Variants in ZNF521 observed in about 807,000 individuals in gnomAD.
ZNF521 encodes the protein zinc finger protein 521, also known as LYST-interacting protein 3.
Under a neutral mutation model 105.5 loss-of-function variants are expected in ZNF521, and 14 were observed. The observed-to-expected ratio is 0.13, with a 90% CI of 0.09 to 0.21. ZNF521 has a LOEUF of 0.21. ZNF521 is among the 10% of genes least tolerant of loss of function. The probability of loss-of-function intolerance (pLI) is 1.00; values close to 1 mark genes in which losing one functional copy is unlikely to be tolerated. For synonymous variants in ZNF521, 635 were observed against 606.0 expected (o/e 1.05, Z -0.70); for missense variants, 1,233 against 1,629.7 (o/e 0.76, Z 4.19).
intron 7 of ZNF521, among the ~76,000 whole-genome samples, chr18:25,084,259 C>CAGT (rs974301081): frequency 5.7e-5 from 8 of 141,116 alleles, no homozygotes; most frequent in African/African-American, 2.0e-4. Context: ...GGTTTAGGAC[C>CAGT]AGTAGCTAAG....
chr18:25,171,772 T>C (rs534039898), intron 5 of ZNF521, among the ~76,000 whole-genome samples: 107 of 152,204 alleles, frequency 7.0e-4, no homozygotes, highest in African/African-American at 2.5e-3. Flanking sequence ...ATGCTAAGAA[T>C]GACTGACTGG....
At chr18:25,217,845 G>A (rs920095308) in intron 4 of ZNF521, among the ~76,000 whole-genome samples, 1 of 152,244 alleles carries the variant, frequency 6.6e-6, no homozygotes, top group Admixed American at 6.5e-5. Flanking sequence ...GCATTGAGGG[G>A]ATAGGGAGAT....
intron 3 of ZNF521, among the ~76,000 whole-genome samples, chr18:25,316,798 C>G (rs1296765750): frequency 6.6e-6 from 1 of 151,476 alleles, no homozygotes. Context: ...AAACAAGACC[C>G]ATCAGATAAC....
intron 3 of ZNF521, among the ~76,000 whole-genome samples, chr18:25,293,882 A>C (rs1911174021): frequency 6.6e-6 from 1 of 152,216 alleles, no homozygotes; most frequent in South Asian, 2.1e-4. Flanking sequence ...CTTTCAAAAA[A>C]GTAGTGCCTT....
chr18:25,157,780 T>C (rs2035174879), intron 5 of ZNF521, among the ~76,000 whole-genome samples: 1 of 152,020 alleles, frequency 6.6e-6, no homozygotes. Context: ...AGACGGAGTC[T>C]TGCACTGTCA....
chr18:25,135,413 T>C lies in ZNF521; in HGVS notation c.3659-43332A>G, dbSNP rs566719359. Reference sequence around the variant, plus strand: ...CCATAATGTTTCTTTTCCTTTTTGTTTGGGTTGGAAGGATGATGGGGGTTG... The same window carrying C: ...CCATAATGTTTCTTTTCCTTTTTGTCTGGGTTGGAAGGATGATGGGGGTTG... On this transcript the variant is annotated intron_variant, in intron 5 of 7. Coordinates refer to ENST00000361524, the MANE Select transcript of ZNF521 (RefSeq NM_015461.3). 6.6e-5 allele frequency among the ~76,000 whole-genome samples: 10 copies of C among 151,936 alleles called. 1 individual carries two copies. The South Asian group carries it at 2.1e-3, about 32-fold the overall frequency.
intron 5 of ZNF521, among the ~76,000 whole-genome samples, chr18:25,179,585 T>C (rs1056047437): frequency 1.3e-5 from 2 of 152,200 alleles, no homozygotes; most frequent in Non-Finnish European, 2.9e-5. Flanking sequence ...TCTGAGCTAT[T>C]TGATTAAATT....
intron 3 of ZNF521, among the ~76,000 whole-genome samples, chr18:25,287,107 C>G (rs1910748983): frequency 6.6e-6 from 1 of 152,084 alleles, no homozygotes; most frequent in Non-Finnish European, 1.5e-5. Context: ...GTAACTAATA[C>G]AGAATATCCT....
intron 7 of ZNF521, among the ~76,000 whole-genome samples, chr18:25,079,565 T>C (rs1333976590): frequency 1.3e-5 from 2 of 151,890 alleles, no homozygotes; most frequent in Non-Finnish European, 2.9e-5. Flanking sequence ...AGTAGCAGTC[T>C]GACTATACTA....
At chr18:25,263,411 G>A (rs1418236674) in intron 3 of ZNF521, among the ~76,000 whole-genome samples, 2 of 150,762 alleles carry the variant, frequency 1.3e-5, no homozygotes, top group Non-Finnish European at 3.0e-5. Flanking sequence ...AGGCTGGAGT[G>A]CAGTGGCACG....
intron 3 of ZNF521, among the ~76,000 whole-genome samples, chr18:25,308,848 GTCT>G (rs1224218458): frequency 3.3e-5 from 5 of 151,988 alleles, no homozygotes; most frequent in South Asian, 2.1e-4. Flanking sequence ...CTTGTGGATG[GTCT>G]TCTTAGTGTA....
intron 3 of ZNF521, among the ~76,000 whole-genome samples, chr18:25,247,477 G>T (rs758995940): frequency 1.3e-5 from 2 of 152,182 alleles, no homozygotes; most frequent in Non-Finnish European, 2.9e-5. Flanking sequence ...CATTAAAACT[G>T]CCTGGAGATC....
intron 3 of ZNF521, among the ~76,000 whole-genome samples, chr18:25,233,841 C>A (rs148906701): frequency 6.6e-6 from 1 of 152,128 alleles, no homozygotes; most frequent in Non-Finnish European, 1.5e-5. Flanking sequence ...AGACACATTT[C>A]GATTGCATGT....
intron 7 of ZNF521, among the ~76,000 whole-genome samples, chr18:25,081,077 G>T (rs546305961): frequency 7.3e-6 from 1 of 137,898 alleles, no homozygotes; most frequent in African/African-American, 2.6e-5. Context: ...AGATGGCAGG[G>T]CCAGCAGAGC....
chr18:25,135,167 C>T (rs1480716730), intron 5 of ZNF521, among the ~76,000 whole-genome samples: 1 of 151,804 alleles, frequency 6.6e-6, no homozygotes, highest in Non-Finnish European at 1.5e-5. Flanking sequence ...AGATTAGAAA[C>T]ATGAATAAAA....
intron 4 of ZNF521, among the ~76,000 whole-genome samples, chr18:25,198,920 A>C (rs1220335567): frequency 6.6e-6 from 1 of 151,994 alleles, no homozygotes; most frequent in Non-Finnish European, 1.5e-5. Flanking sequence ...TTGCAAAGCA[A>C]AAGATATATC....
At chr18:25,147,981 A>G (rs1355577854) in intron 5 of ZNF521, among the ~76,000 whole-genome samples, 1 of 152,152 alleles carries the variant, frequency 6.6e-6, no homozygotes, top group African/African-American at 2.4e-5. Flanking sequence ...ATCTCCATGC[A>G]GCTTGCTTTC....
At chr18:25,151,470 AC>A (rs2035046740) in intron 5 of ZNF521, among the ~76,000 whole-genome samples, 1 of 152,102 alleles carries the variant, frequency 6.6e-6, no homozygotes, top group Admixed American at 6.5e-5. Context: ...TTATCTTTTT[AC>A]CCCCAATGAT....
At chr18:25,224,131 T>C in intron 4 of ZNF521, 1 of 558,314 alleles carries the variant, frequency 1.8e-6, no homozygotes, top group Non-Finnish European at 3.2e-6. Context: ...GAGACTGGAA[T>C]TAGTCCTATT....
Sources: allele counts gnomAD v4.1 joint callset (sites outside exome capture counted in the v4.1 genomes callset), GRCh38; gene constraint gnomAD v4.1.1; transcripts MANE v1.5; gene names NCBI Gene and HGNC (gene_info 2026-07-23, HGNC 2026-07-21).